Variants in ANKRD44 observed in about 807,000 individuals in gnomAD.
The protein encoded by ANKRD44 is ankyrin repeat domain 44, also known as serine/threonine-protein phosphatase 6 regulatory ankyrin repeat subunit B.
A neutral mutation model predicts 116.0 loss-of-function variants in ANKRD44; 35 were observed. The ratio of observed to expected loss-of-function variants is 0.30; its 90% CI spans 0.23 to 0.40. ANKRD44 has a LOEUF of 0.40. Ranked by LOEUF, ANKRD44 falls within the 10% of genes least tolerant of loss-of-function variation. The pLI, the probability that ANKRD44 is intolerant of heterozygous loss-of-function variation, is 1.00. For missense variants in ANKRD44, 1,014 were observed against 1,242.6 expected (o/e 0.82, Z 2.77); for synonymous variants, 435 against 461.8 (o/e 0.94, Z 0.74).
At chr2:197,013,927 G>A (rs1481785857) in intron 17 of ANKRD44, among the ~76,000 whole-genome samples, 3 of 152,168 alleles carry the variant, frequency 2.0e-5, no homozygotes, top group Non-Finnish European at 2.9e-5. Flanking sequence ...TATGAGTTTC[G>A]TGTTCTTTCT....
chr2:197,156,215 A>G (rs563961539), intron 2 of ANKRD44, among the ~76,000 whole-genome samples: 6 of 152,192 alleles, frequency 3.9e-5, no homozygotes, highest in Admixed American at 1.3e-4. Context: ...GCGTGGTGTC[A>G]GGCACCTGTA....
chr2:197,268,185 C>T (rs2082790654), intron 1 of ANKRD44, among the ~76,000 whole-genome samples: 3 of 152,238 alleles, frequency 2.0e-5, no homozygotes, highest in Admixed American at 1.3e-4. Context: ...AGCTGTGGAG[C>T]TGATCTATGA....
intron 2 of ANKRD44, among the ~76,000 whole-genome samples, chr2:197,177,772 A>G (rs2080402671): frequency 6.6e-6 from 1 of 152,202 alleles, no homozygotes; most frequent in African/African-American, 2.4e-5. Context: ...TTCTTCTTCT[A>G]TACCCACAAA....
chr2:197,198,574 C>T (rs1453127667), intron 1 of ANKRD44, among the ~76,000 whole-genome samples: 1 of 151,846 alleles, frequency 6.6e-6, no homozygotes, highest in African/African-American at 2.4e-5. Context: ...GGTGGATCAC[C>T]TGAGGCCAGG....
chr2:197,164,190 A>G (rs1228335252), intron 2 of ANKRD44, among the ~76,000 whole-genome samples: 1 of 152,166 alleles, frequency 6.6e-6, no homozygotes, highest in East Asian at 1.9e-4. Context: ...AGGCTCCTTT[A>G]TTCCCACCTG....
chr2:197,219,816 G>A (rs1304030180), intron 1 of ANKRD44, among the ~76,000 whole-genome samples: 1 of 151,962 alleles, frequency 6.6e-6, no homozygotes, highest in Non-Finnish European at 1.5e-5. Flanking sequence ...CCTCCCAAGG[G>A]AAAAAGACAT....
intron 1 of ANKRD44, among the ~76,000 whole-genome samples, chr2:197,294,563 A>C (rs1559227723): frequency 6.6e-6 from 1 of 152,074 alleles, no homozygotes; most frequent in Non-Finnish European, 1.5e-5. Flanking sequence ...ACATATTTTC[A>C]TTCTCTCTCT....
intron 15 of ANKRD44, among the ~76,000 whole-genome samples, chr2:197,080,816 T>C (rs1207869432): frequency 2.6e-5 from 4 of 152,034 alleles, no homozygotes; most frequent in Non-Finnish European, 5.9e-5. Flanking sequence ...CCTCTAACAA[T>C]GGAAGAATAA....
chr2:197,261,491 T>C (rs904295700), intron 1 of ANKRD44, among the ~76,000 whole-genome samples: 1 of 151,746 alleles, frequency 6.6e-6, no homozygotes, highest in Non-Finnish European at 1.5e-5. Flanking sequence ...TAAAGGGAAG[T>C]TCATCAAATG....
chr2:197,177,117 A>G (rs2080383832), intron 2 of ANKRD44, among the ~76,000 whole-genome samples: 1 of 152,198 alleles, frequency 6.6e-6, no homozygotes, highest in Non-Finnish European at 1.5e-5. Flanking sequence ...TAATCTGGGT[A>G]TGTGGTTACC....
chr2:197,159,307 T>C (rs1030874405), intron 2 of ANKRD44, among the ~76,000 whole-genome samples: 1 of 152,212 alleles, frequency 6.6e-6, no homozygotes, highest in Non-Finnish European at 1.5e-5. Context: ...AAATCAACAA[T>C]GCAGTTTTCT....
intron 1 of ANKRD44, among the ~76,000 whole-genome samples, chr2:197,255,021 G>C (rs898648861): frequency 6.6e-6 from 1 of 152,222 alleles, no homozygotes; most frequent in Non-Finnish European, 1.5e-5. Flanking sequence ...CTGAACCAGA[G>C]AAGTATTCAG....
At chr2:196,974,929 C>T (rs2125860875) in intron 21 of ANKRD44, among the ~76,000 whole-genome samples, 1 of 150,868 alleles carries the variant, frequency 6.6e-6, no homozygotes, top group South Asian at 2.1e-4. Context: ...TAAACTATAC[C>T]CAAAGTAAGC....
At chr2:197,301,933 G>A (rs1242045967) in intron 1 of ANKRD44, among the ~76,000 whole-genome samples, 4 of 152,222 alleles carry the variant, frequency 2.6e-5, no homozygotes, top group African/African-American at 4.8e-5. Flanking sequence ...AAGGCAGACA[G>A]GAAATGTGGA....
At chr2:197,280,693 A>C (rs1004550535) in intron 1 of ANKRD44, among the ~76,000 whole-genome samples, 1 of 152,196 alleles carries the variant, frequency 6.6e-6, no homozygotes, top group African/African-American at 2.4e-5. Context: ...TTGATTGCTG[A>C]AAATGTAAAA....
At chr2:197,003,947 A>T (rs1006453486) in intron 21 of ANKRD44, among the ~76,000 whole-genome samples, 1 of 152,192 alleles carries the variant, frequency 6.6e-6, no homozygotes, top group Non-Finnish European at 1.5e-5. Context: ...ACCGTAGTGA[A>T]AACACAGTAA....
intron 15 of ANKRD44, among the ~76,000 whole-genome samples, chr2:197,079,163 CAA>C (rs1443573962): frequency 2.6e-5 from 4 of 151,992 alleles, no homozygotes; most frequent in African/African-American, 9.6e-5. Context: ...CCATGTTCAA[CAA>C]AGTCTCAATA....
intron 1 of ANKRD44, among the ~76,000 whole-genome samples, chr2:197,228,293 G>A (rs563547283): frequency 6.6e-6 from 1 of 152,318 alleles, no homozygotes; most frequent in African/African-American, 2.4e-5. Flanking sequence ...CTCACAGGGT[G>A]GTGGTGAACA....
chr2:197,244,156 T>C (rs1212763360), intron 1 of ANKRD44, among the ~76,000 whole-genome samples: 1 of 152,212 alleles, frequency 6.6e-6, no homozygotes, highest in Non-Finnish European at 1.5e-5. Context: ...TAGGTAGCTA[T>C]AACTGGCAGA....
Sources: gnomAD v4.1 joint callset for allele counts (sites outside exome capture counted in the v4.1 genomes callset) on GRCh38, gnomAD v4.1.1 for gene constraint, MANE v1.5 for transcripts, NCBI Gene and HGNC (gene_info 2026-07-23, HGNC 2026-07-21) for gene names.